The following AGBL4 variants were observed in gnomAD, a reference collection of about 807,000 sequenced individuals.
The protein encoded by AGBL4 is cytosolic carboxypeptidase 6.
In AGBL4, 58 loss-of-function variants were observed where a neutral mutation model predicts 66.4. The observed-to-expected ratio is 0.87, with a 90% confidence interval of 0.71 to 1.09. The LOEUF is 1.09. Among genes scored for constraint, AGBL4 ranks in the 50% least tolerant of loss-of-function variants. The probability of loss-of-function intolerance (pLI) is 0.00; values close to 1 mark genes in which losing one functional copy is unlikely to be tolerated. For synonymous variants in AGBL4, 234 were observed against 222.9 expected (o/e 1.05, Z -0.44); for missense variants, 579 against 631.0 (o/e 0.92, Z 0.88).
intron 1 of AGBL4, among the ~76,000 whole-genome samples, chr1:49,992,881 T>C (rs1428192030): frequency 1.3e-5 from 2 of 152,200 alleles, no homozygotes; most frequent in Non-Finnish European, 2.9e-5. Flanking sequence ...GAACACACTA[T>C]AACTGCACTA....
chr1:49,335,661 A>G (rs994033743), intron 3 of AGBL4, among the ~76,000 whole-genome samples: 8 of 151,920 alleles, frequency 5.3e-5, no homozygotes, highest in South Asian at 2.1e-4. Context: ...GACTACAGGC[A>G]CCCGCCACCA....
chr1:49,149,203 A>G (rs1646278899), intron 4 of AGBL4, among the ~76,000 whole-genome samples: 1 of 152,204 alleles, frequency 6.6e-6, no homozygotes, highest in African/African-American at 2.4e-5. Context: ...TACAGTGCTA[A>G]GATGTTCTCC....
chr1:49,723,185 C>T (rs1648741862), intron 2 of AGBL4, among the ~76,000 whole-genome samples: 1 of 152,048 alleles, frequency 6.6e-6, no homozygotes, highest in African/African-American at 2.4e-5. Context: ...AAATCTTGAG[C>T]CTCTCCTTTG....
intron 4 of AGBL4, among the ~76,000 whole-genome samples, chr1:49,191,926 C>T (rs1647127884): frequency 6.6e-6 from 1 of 152,138 alleles, no homozygotes; most frequent in Non-Finnish European, 1.5e-5. Flanking sequence ...TGAACATATG[C>T]ATGCACATAT....
At chr1:48,991,541 G>A (rs534150926) in intron 5 of AGBL4, among the ~76,000 whole-genome samples, 6 of 152,178 alleles carry the variant, frequency 3.9e-5, no homozygotes, top group Admixed American at 3.9e-4. Context: ...AAAGTTCTTT[G>A]TTATTATCCT....
At chr1:48,768,325 CT>C (rs1417193733) in intron 6 of AGBL4, among the ~76,000 whole-genome samples, 1 of 152,112 alleles carries the variant, frequency 6.6e-6, no homozygotes, top group African/African-American at 2.4e-5. Flanking sequence ...AACTACAAGG[CT>C]TATGGAAGCC....
At chr1:48,909,902 C>T (rs1168955046) in intron 5 of AGBL4, among the ~76,000 whole-genome samples, 2 of 152,150 alleles carry the variant, frequency 1.3e-5, no homozygotes, top group Admixed American at 6.5e-5. Flanking sequence ...ATAGTTAGTT[C>T]TCATTCCATG....
At chr1:48,953,363 T>A (rs568507255) in intron 5 of AGBL4, among the ~76,000 whole-genome samples, 57 of 152,306 alleles carry the variant, frequency 3.7e-4, no homozygotes, top group African/African-American at 1.3e-3. Context: ...GCACTAATGA[T>A]GTTGCAGGGC....
chr1:48,815,160 C>T (rs1646145236), intron 6 of AGBL4, among the ~76,000 whole-genome samples: 1 of 152,164 alleles, frequency 6.6e-6, no homozygotes, highest in South Asian at 2.1e-4. Flanking sequence ...TGACATTCAG[C>T]ATTTTCCATA....
chr1:49,621,566 T>A (rs1645360686), intron 3 of AGBL4, among the ~76,000 whole-genome samples: 1 of 152,198 alleles, frequency 6.6e-6, no homozygotes, highest in Non-Finnish European at 1.5e-5. Context: ...ATAAAGTACA[T>A]TGATTTCTTT....
chr1:48,920,824 G>A (rs1354869756), intron 5 of AGBL4, among the ~76,000 whole-genome samples: 1 of 152,154 alleles, frequency 6.6e-6, no homozygotes, highest in Non-Finnish European at 1.5e-5. Context: ...ACAATTTGCT[G>A]AGAATACCAT....
At chr1:49,442,491 T>G (rs1485434870) in intron 3 of AGBL4, among the ~76,000 whole-genome samples, 1 of 152,226 alleles carries the variant, frequency 6.6e-6, no homozygotes, top group Non-Finnish European at 1.5e-5. Flanking sequence ...CTTCCACATA[T>G]AAGTGATAAC....
intron 6 of AGBL4, among the ~76,000 whole-genome samples, chr1:48,700,171 T>C (rs1228113525): frequency 6.6e-6 from 1 of 151,876 alleles, no homozygotes; most frequent in African/African-American, 2.4e-5. Context: ...CACAATAGAG[T>C]CTATCAAATG....
chr1:49,508,163 T>C (rs1020223025), intron 3 of AGBL4, among the ~76,000 whole-genome samples: 1 of 151,948 alleles, frequency 6.6e-6, no homozygotes, highest in Non-Finnish European at 1.5e-5. Context: ...AACTAACAAA[T>C]AGACTGTAAA....
chr1:49,891,347 A>G (rs373524452), intron 1 of AGBL4, among the ~76,000 whole-genome samples: 163 of 152,222 alleles, frequency 1.1e-3, no homozygotes, highest in South Asian at 2.7e-3. Flanking sequence ...TAATTTCTTC[A>G]TCTGTATCAG....
intron 5 of AGBL4, among the ~76,000 whole-genome samples, chr1:48,894,948 T>C (rs12043418): frequency 0.5 from 76,502 of 152,036 alleles, 22,241 homozygotes; most frequent in Non-Finnish European, 0.67. Context: ...TTTACCTCTC[T>C]AGACAAAGTT....
chr1:49,910,020 G>C (rs537985476), intron 1 of AGBL4, among the ~76,000 whole-genome samples: 6 of 152,288 alleles, frequency 3.9e-5, no homozygotes, highest in Admixed American at 3.9e-4. Context: ...ATTCAGTAGA[G>C]ATGTCGAGGC....
At chr1:48,530,943 A>G (rs933125464), downstream of AGBL4, among the ~76,000 whole-genome samples, 7 of 152,216 alleles carry the variant, frequency 4.6e-5, no homozygotes, top group Non-Finnish European at 8.8e-5. Flanking sequence ...CAGGTGGGCT[A>G]GTAGCCTCTG....
chr1:49,681,977 G>C (rs1646703438), intron 3 of AGBL4, among the ~76,000 whole-genome samples: 1 of 152,288 alleles, frequency 6.6e-6, no homozygotes, highest in South Asian at 2.1e-4. Context: ...AATCAAGAAA[G>C]AAAGTGGCTT....
Sources: gnomAD v4.1 joint callset for allele counts (sites outside exome capture counted in the v4.1 genomes callset) on GRCh38, gnomAD v4.1.1 for gene constraint, MANE v1.5 for transcripts, NCBI Gene and HGNC (gene_info 2026-07-23, HGNC 2026-07-21) for gene names.